Variants in LRRC7 observed in about 807,000 individuals in gnomAD.
LRRC7 encodes the protein leucine rich repeat containing 7.
Under a neutral mutation model 175.7 loss-of-function variants are expected in LRRC7, and 23 were observed. The observed-to-expected ratio is 0.13, with a 90% CI of 0.09 to 0.19. The LOEUF is 0.19. Among genes scored for constraint, LRRC7 ranks in the 10% least tolerant of loss-of-function variants. The probability of loss-of-function intolerance (pLI) is 1.00; values close to 1 mark genes in which losing one functional copy is unlikely to be tolerated. For missense variants in LRRC7, 1,354 were observed against 1,904.7 expected, an observed-to-expected ratio of 0.71 and a Z score of 5.38; for synonymous variants, 685 against 680.9, an observed-to-expected ratio of 1.01 and a Z score of -0.09.
intron 1 of LRRC7, among the ~76,000 whole-genome samples, chr1:69,570,045 T>G (rs1645674902): frequency 6.6e-6 from 1 of 152,038 alleles, no homozygotes; most frequent in Admixed American, 6.6e-5. Flanking sequence ...GGTCAGCAGG[T>G]AAATAGATTT....
intron 7 of LRRC7, among the ~76,000 whole-genome samples, chr1:69,896,738 A>G (rs934105995): frequency 2.0e-5 from 3 of 151,912 alleles, no homozygotes; most frequent in Admixed American, 2.0e-4. Context: ...TTCTTGTTAC[A>G]CTATAAATTT....
rs186638752 is a variant in LRRC7 at position 70,131,501 on chromosome 1, C to T, written c.*9614C>T. Among the ~76,000 whole-genome samples, 448 of 152,176 alleles carry T rather than the reference C, an allele frequency of 2.9e-3. 5 individuals are homozygous for T. The highest frequency in any genetic ancestry group is 2.5e-3 in the Non-Finnish European group (169 of 68,002). On this transcript the variant is annotated 3_prime_UTR_variant, in exon 27 of 27. Coordinates refer to ENST00000651989, the MANE Select transcript of LRRC7 (RefSeq NM_001370785.2). ...AACTCCAGAATTGAGTGAAATATTC[C>T]GAAACATTAAATGTTTTGTCATTGA...
chr1:69,982,776 C>T (rs928674940), intron 9 of LRRC7, among the ~76,000 whole-genome samples: 4 of 152,154 alleles, frequency 2.6e-5, no homozygotes, highest in African/African-American at 9.7e-5. Flanking sequence ...CTACTCTTTC[C>T]ATTTGCTGCA....
chr1:69,991,731 T>C (rs1191736216), intron 10 of LRRC7, among the ~76,000 whole-genome samples: 6 of 152,154 alleles, frequency 3.9e-5, no homozygotes, highest in Non-Finnish European at 7.4e-5. Flanking sequence ...AATAGAGGGA[T>C]ATGGCAACTT....
intron 17 of LRRC7, among the ~76,000 whole-genome samples, chr1:70,024,931 TA>T (rs1170168914): frequency 6.6e-6 from 1 of 152,114 alleles, no homozygotes; most frequent in African/African-American, 2.4e-5. Flanking sequence ...TAGCTTTATT[TA>T]AAAAAATAGA....
rs547726748 is a variant in LRRC7 at position 69,696,801 on chromosome 1, A to T, written c.100+18323A>T. The stretch of plus-strand genomic sequence containing the variant: ...CTCGTCATGTGATATGCTAGTTCTC[A>T]TGTTGCCTTCTGCCATGAATTTATA... On this transcript the variant is annotated intron_variant, in intron 2 of 26. Coordinates refer to ENST00000651989, the MANE Select transcript of LRRC7 (RefSeq NM_001370785.2). Among the ~76,000 whole-genome samples, 45 of 152,288 alleles carry T rather than the reference A, an allele frequency of 3.0e-4. No homozygotes were observed. The South Asian group carries it at 7.0e-3, about 24-fold the overall frequency.
chr1:69,685,058 G>T (rs1660964126), intron 2 of LRRC7, among the ~76,000 whole-genome samples: 1 of 152,160 alleles, frequency 6.6e-6, no homozygotes, highest in South Asian at 2.1e-4. Flanking sequence ...GAATATTAGA[G>T]AATCCAGAGC....
chr1:69,810,879 T>TA (rs1451411070), intron 4 of LRRC7, among the ~76,000 whole-genome samples: 6 of 152,068 alleles, frequency 3.9e-5, no homozygotes, highest in African/African-American at 1.4e-4. Context: ...ACCTCATGAC[T>TA]AAAACACCAA....
chr1:69,644,003 T>C (rs1654627741), intron 1 of LRRC7, among the ~76,000 whole-genome samples: 1 of 152,002 alleles, frequency 6.6e-6, no homozygotes, highest in Non-Finnish European at 1.5e-5. Flanking sequence ...TGTAGCAAAA[T>C]TTGTGGGATG....
chr1:69,678,270 A>T (rs149079204), intron 1 of LRRC7, 111 bp from the exon 2 acceptor site: 1 of 722,190 alleles, frequency 1.4e-6, no homozygotes, highest in Non-Finnish European at 2.3e-6. Context: ...GATCATCTTC[A>T]TGGTGTTGTC....
At chr1:69,781,850 A>AAGGAAGGAAGGAAGG (rs1557720655) in intron 3 of LRRC7, among the ~76,000 whole-genome samples, 3 of 104,266 alleles carry the variant, frequency 2.9e-5, no homozygotes, top group African/African-American at 4.4e-5. Context: ...AGGAAGGGAG[A>AAGGAAGGAAGGAAGG]GAAAGAAAGA....
chr1:69,939,736 G>A lies in LRRC7; in HGVS notation c.711+8166G>A, dbSNP rs145339648. On this transcript the variant is annotated intron_variant, in intron 8 of 26. Transcript: ENST00000651989. ...GAAAGTTTTCCTTGCACCTAGCAGAGTACCCAGCTCCCAACTGGTACTTGA... is the reference window on the plus strand; with the variant it reads ...GAAAGTTTTCCTTGCACCTAGCAGAATACCCAGCTCCCAACTGGTACTTGA... Among the ~76,000 whole-genome samples the A allele has an allele frequency of 3.3e-3, 496 of 152,226 alleles. 1 individual carries two copies. Among genetic ancestry groups the A allele is most frequent in the African/African-American group, 0.011 (448 of 41,542 alleles).
chr1:69,965,415 A>G (rs952178633), intron 8 of LRRC7, among the ~76,000 whole-genome samples: 15 of 152,162 alleles, frequency 9.9e-5, no homozygotes, highest in Admixed American at 3.9e-4. Context: ...AATGGAATAT[A>G]TTATGCTCAT....
chr1:70,059,132 C>A (rs1661379875), intron 23 of LRRC7, among the ~76,000 whole-genome samples: 1 of 152,096 alleles, frequency 6.6e-6, no homozygotes, highest in African/African-American at 2.4e-5. Context: ...TCTTTAGTAA[C>A]AAAAGACTAG....
intron 1 of LRRC7, among the ~76,000 whole-genome samples, chr1:69,617,937 C>T (rs781049654): frequency 1.3e-5 from 2 of 152,008 alleles, no homozygotes; most frequent in Admixed American, 6.6e-5. Flanking sequence ...CAATAAACAG[C>T]GTTGGGGCAT....
intron 26 of LRRC7, among the ~76,000 whole-genome samples, chr1:70,110,271 T>C (rs1307003198): frequency 3.3e-5 from 5 of 151,898 alleles, no homozygotes; most frequent in Non-Finnish European, 7.4e-5. Flanking sequence ...TCCCAGCTAC[T>C]AGGGAGGCTG....
intron 3 of LRRC7, among the ~76,000 whole-genome samples, chr1:69,764,142 G>A (rs927747530): frequency 6.6e-6 from 1 of 151,892 alleles, no homozygotes; most frequent in Non-Finnish European, 1.5e-5. Context: ...GTAGTGAAAG[G>A]TAAAAATACA....
chr1:69,908,358 G>A (rs1367758986), intron 7 of LRRC7, among the ~76,000 whole-genome samples: 1 of 151,822 alleles, frequency 6.6e-6, no homozygotes, highest in Non-Finnish European at 1.5e-5. Context: ...TGATGTTAGG[G>A]TGTCAATTTT....
intron 1 of LRRC7, among the ~76,000 whole-genome samples, chr1:69,674,046 T>A (rs1557582218): frequency 6.6e-6 from 1 of 152,156 alleles, no homozygotes; most frequent in Non-Finnish European, 1.5e-5. Flanking sequence ...CTCGCTCTAT[T>A]GCCCAGGCTG....
Sources: allele counts gnomAD v4.1 joint callset (sites outside exome capture counted in the v4.1 genomes callset), GRCh38; gene constraint gnomAD v4.1.1; transcripts MANE v1.5; gene names NCBI Gene and HGNC (gene_info 2026-07-23, HGNC 2026-07-21).